Variants in SSX7 observed in about 807,000 individuals in gnomAD.
SSX7 encodes protein SSX7.
A neutral mutation model predicts 14.7 loss-of-function variants in SSX7; 15 were observed. The ratio of observed to expected loss-of-function variants is 1.02; its 90% CI spans 0.68 to 1.58. The LOEUF (loss-of-function observed/expected upper bound fraction) is 1.58, where lower values mean the gene tolerates loss of function less well. Among genes scored for constraint, SSX7 ranks in the 40% most tolerant of loss-of-function variants. The pLI, the probability that SSX7 is intolerant of heterozygous loss-of-function variation, is 0.00. For synonymous variants in SSX7, 46 were observed against 50.6 expected (o/e 0.91, Z 0.38); for missense variants, 178 against 146.8 (o/e 1.21, Z -1.10).
chrX:52,654,169 A>G (rs1556767449), intron 1 of SSX7, among the ~76,000 whole-genome samples: 1 of 109,727 alleles, frequency 9.1e-6, no homozygotes. Flanking sequence ...TGGGAGGCCA[A>G]GGAGGGCGGA....
In SSX7 at chrX:52,650,353, C is replaced by T. The variant is rs143179876; in HGVS notation, c.330G>A (p.Lys110=). 8.3e-7 allele frequency: 1 copy of T among 1,209,829 alleles called. No individual in the cohort carries two copies. The highest frequency in any genetic ancestry group is 1.7e-5 in the African/African-American group (1 of 57,722). The change falls in exon 5 of 8, where the codon AAG becomes AAA. Residue 110 remains lysine (K), a splice_region_variant and synonymous_variant. Coordinates refer to ENST00000298181, the MANE Select transcript of SSX7 (RefSeq NM_173358.2). ...TCCTTTAGATCTGAGAGACACTCAC[C>T]TTCGGGAAGATTCTCTGGAGCCTGC... ...TFCRLQRIFP[K]IMPKKPAEEG...
Position 52,652,967 on chromosome X carries a change from G to A in SSX7, c.87C>T (p.Ala29=). 1.7e-6 allele frequency: 2 copies of A among 1,200,004 alleles called. No individual in the cohort carries two copies. The highest frequency in any genetic ancestry group is 2.3e-6 in the Non-Finnish European group (2 of 887,681). Residue 29 remains alanine, a synonymous_variant, in exon 3 of 8, where the codon GCC becomes GCT. Transcript: ENST00000298181. ...CCCACTCTTTCTTAGAGAAGTATTTGGCAATATCATCGAAGGACTAGGAAA... is the reference window on the plus strand; with the variant it reads ...CCCACTCTTTCTTAGAGAAGTATTTAGCAATATCATCGAAGGACTAGGAAA... ...EKIQKSFDDI[A]KYFSKKEWEK... is the part of the protein sequence containing the mutation.
At chrX:52,650,073 T>C (rs1556766828) in intron 5 of SSX7, among the ~76,000 whole-genome samples, 1 of 112,099 alleles carries the variant, frequency 8.9e-6, no homozygotes, top group Non-Finnish European at 1.9e-5. Flanking sequence ...TATTTGGAGA[T>C]AATAATAGAA....
intron 1 of SSX7, among the ~76,000 whole-genome samples, chrX:52,654,248 C>G (rs1412033874): frequency 9.2e-6 from 1 of 109,113 alleles, no homozygotes; most frequent in Non-Finnish European, 1.9e-5. Context: ...AAAACAACAA[C>G]AACAACAAAA....
intron 6 of SSX7, among the ~76,000 whole-genome samples, chrX:52,646,355 G>A (rs1346346020): frequency 8.9e-6 from 1 of 112,521 alleles, no homozygotes; most frequent in East Asian, 2.8e-4. Flanking sequence ...GAGCCACGGC[G>A]CCCGTCCGTG....
rs782214521 is a variant in SSX7 at position 52,648,204 on chromosome X, A to C, written c.466+57T>G. On this transcript the variant is annotated intron_variant, in intron 6 of 7. Transcript: ENST00000298181. ...GGTCCATGCCACACACCCAGTCCACACACCTGAACATAGCCACGGAAGCCA... is the reference window on the plus strand; with the variant it reads ...GGTCCATGCCACACACCCAGTCCACCCACCTGAACATAGCCACGGAAGCCA... 3,440 of 1,181,667 alleles carry C rather than the reference A, an allele frequency of 2.9e-3. 4 individuals carry two copies. Among genetic ancestry groups the C allele is most frequent in the Non-Finnish European group, 3.7e-3 (3,261 of 880,287 alleles).
chrX:52,649,317 C>G (rs1193334960), intron 5 of SSX7, among the ~76,000 whole-genome samples: 3 of 111,952 alleles, frequency 2.7e-5, no homozygotes, highest in Non-Finnish European at 3.8e-5. Flanking sequence ...TCGCTAGCCA[C>G]CGTGCCCCGC....
chrX:52,650,108 G>T (rs781981076), intron 5 of SSX7, among the ~76,000 whole-genome samples: 2 of 111,132 alleles, frequency 1.8e-5, no homozygotes, highest in African/African-American at 6.5e-5. Flanking sequence ...GTCTTCTTAA[G>T]GATTAAATAC....
At chrX:52,651,743 C>T (rs1394517273) in intron 4 of SSX7, among the ~76,000 whole-genome samples, 18 of 110,982 alleles carry the variant, frequency 1.6e-4, no homozygotes, top group African/African-American at 5.2e-4. Flanking sequence ...GGTGTGGGGG[C>T]GGGCACCCGT....
chrX:52,652,835 C>T, intron 3 of SSX7, 35 bp downstream of exon 3: 1 of 1,114,544 alleles, frequency 9.0e-7, no homozygotes, highest in Non-Finnish European at 1.2e-6. Context: ...GCTCATGTGT[C>T]CCCAGACTTG....
chrX:52,651,548 C>T (rs1556767003), intron 4 of SSX7, among the ~76,000 whole-genome samples: 2 of 111,426 alleles, frequency 1.8e-5, no homozygotes, highest in African/African-American at 3.3e-5. Flanking sequence ...CACAGCTATG[C>T]TAGGTTTGAT....
intron 6 of SSX7, among the ~76,000 whole-genome samples, chrX:52,647,056 T>C (rs782346340): frequency 3.6e-5 from 4 of 112,508 alleles, no homozygotes; most frequent in South Asian, 7.4e-4. Flanking sequence ...TAGAGAAAGT[T>C]TGAGTGGTCA....
intron 6 of SSX7, among the ~76,000 whole-genome samples, chrX:52,645,864 T>TA (rs1480222068): frequency 1.8e-5 from 2 of 110,945 alleles, no homozygotes; most frequent in Admixed American, 9.6e-5. Flanking sequence ...TACTTTTTTT[T>TA]ATTGCACAAC....
At chrX:52,649,721 G>A (rs1370437858) in intron 5 of SSX7, among the ~76,000 whole-genome samples, 1 of 112,112 alleles carries the variant, frequency 8.9e-6, no homozygotes, top group African/African-American at 3.2e-5. Flanking sequence ...AGGCCAGCTG[G>A]TCTTTCCTAT....
intron 7 of SSX7, among the ~76,000 whole-genome samples, chrX:52,644,953 G>T (rs1423832024): frequency 9.0e-6 from 1 of 111,143 alleles, no homozygotes; most frequent in Non-Finnish European, 1.9e-5. Context: ...AGCATTCCTG[G>T]ATATACAGGG....
rs782138605 is a variant in SSX7, at chrX:52,645,424, C to G, written c.*4+15G>C. The G allele has an allele frequency of 7.5e-5, 90 of 1,202,606 alleles. No homozygotes were observed. In the South Asian group the frequency reaches 7.9e-4, roughly 11 times the overall value. ...ATCTGCAGGGATGTGGGGGATGAGC[C>G]GAAGGTTCACTTACGGAGTTACTCG... On this transcript the variant is annotated intron_variant, in intron 7 of 7. Coordinates refer to ENST00000298181, the MANE Select transcript of SSX7 (RefSeq NM_173358.2).
chrX:52,653,351 C>T (rs2146498758), intron 2 of SSX7, 53 bp downstream of exon 2: 2 of 1,209,920 alleles, frequency 1.7e-6, no homozygotes, highest in Non-Finnish European at 2.2e-6. Context: ...AGAAACTTGG[C>T]CACCCCACAC....
chrX:52,648,257 T>C lies in SSX7; in HGVS notation c.466+4A>G. ...GGGTTTGTTCCCGAATTCTTTCCTC[T>C]TACCGGATGTCTTGTTAATCTTCTC... On this transcript the variant is annotated splice_donor_region_variant and intron_variant, in intron 6 of 7. Transcript: ENST00000298181. 1 of 1,208,605 alleles carries C rather than the reference T, an allele frequency of 8.3e-7. No homozygotes were observed. The highest frequency in any genetic ancestry group is 1.1e-6 in the Non-Finnish European group (1 of 894,273).
At chrX:52,644,799 C>T in intron 7 of SSX7, 129 bp from the exon 8 acceptor site, 1 of 751,828 alleles carries the variant, frequency 1.3e-6, no homozygotes, top group South Asian at 2.1e-5. Flanking sequence ...CCTGCACACG[C>T]CTTCCATGGT....
Sources: allele counts gnomAD v4.1 joint callset (sites outside exome capture counted in the v4.1 genomes callset), GRCh38; gene constraint gnomAD v4.1.1; transcripts MANE v1.5; gene names NCBI Gene and HGNC (gene_info 2026-07-23, HGNC 2026-07-21).